The following LHFPL2 variants were observed in gnomAD, a reference collection of about 807,000 sequenced individuals.
LHFPL2 encodes LHFPL tetraspan subfamily member 2 protein.
In LHFPL2, 7 loss-of-function variants were observed where a neutral mutation model predicts 17.5. That is an observed-to-expected ratio of 0.40 (90% CI 0.23 to 0.75). LHFPL2 has a LOEUF of 0.75. Ranked by LOEUF, LHFPL2 falls within the 30% of genes least tolerant of loss-of-function variation. The pLI is 0.37. For missense variants in LHFPL2, 241 were observed against 294.8 expected (o/e 0.82, Z 1.34); for synonymous variants, 134 against 116.2 (o/e 1.15, Z -0.99).
chr5:78,585,899 C>G (rs1162959344), intron 2 of LHFPL2, among the ~76,000 whole-genome samples: 3 of 152,160 alleles, frequency 2.0e-5, no homozygotes, highest in Non-Finnish European at 2.9e-5. Context: ...GGTCCTGCCA[C>G]TAACAAGCAA....
intron 2 of LHFPL2, among the ~76,000 whole-genome samples, chr5:78,587,150 C>A (rs982308121): frequency 6.6e-6 from 1 of 152,142 alleles, no homozygotes; most frequent in Non-Finnish European, 1.5e-5. Flanking sequence ...AGAAACCAAA[C>A]GAGGCAAGTC....
intron 2 of LHFPL2, among the ~76,000 whole-genome samples, chr5:78,594,164 C>CA (rs1290086052): frequency 6.6e-6 from 1 of 152,138 alleles, no homozygotes; most frequent in Non-Finnish European, 1.5e-5. Flanking sequence ...AGCCTTTATG[C>CA]AATCCTGCTT....
At chr5:78,640,094 C>T (rs1745615995) in intron 1 of LHFPL2, among the ~76,000 whole-genome samples, 1 of 152,080 alleles carries the variant, frequency 6.6e-6, no homozygotes, top group South Asian at 2.1e-4. Context: ...GAAAAAGAGT[C>T]CCTCTTAATT....
chr5:78,535,659 G>A (rs1203142678), intron 3 of LHFPL2, among the ~76,000 whole-genome samples: 1 of 152,166 alleles, frequency 6.6e-6, no homozygotes, highest in Non-Finnish European at 1.5e-5. Context: ...CAGTAGGTGG[G>A]TGAGGCTGAG....
intron 3 of LHFPL2, among the ~76,000 whole-genome samples, chr5:78,511,092 A>G (rs750426045): frequency 1.5e-4 from 19 of 124,910 alleles, no homozygotes; most frequent in African/African-American, 8.9e-5. Context: ...TACACTAATT[A>G]AAACTCAGAG....
intron 1 of LHFPL2, chr5:78,641,955 C>CA (rs1745682352): frequency 8.7e-6 from 1 of 115,032 alleles, no homozygotes; most frequent in Non-Finnish European, 1.8e-5. Context: ...GCTCAAGCTG[C>CA]TATAATAAAA....
intron 2 of LHFPL2, among the ~76,000 whole-genome samples, chr5:78,610,175 T>C (rs1321369071): frequency 6.6e-6 from 1 of 152,072 alleles, no homozygotes; most frequent in Non-Finnish European, 1.5e-5. Context: ...TCAGCAATGC[T>C]GACACCCACG....
intron 3 of LHFPL2, among the ~76,000 whole-genome samples, chr5:78,554,742 C>A (rs1413581273): frequency 1.3e-5 from 2 of 152,210 alleles, no homozygotes; most frequent in African/African-American, 4.8e-5. Context: ...AGGAGCCTGA[C>A]AGCCTCAGGA....
chr5:78,581,097 CT>C (rs1347419853), intron 2 of LHFPL2, among the ~76,000 whole-genome samples: 1 of 152,056 alleles, frequency 6.6e-6, no homozygotes, highest in Non-Finnish European at 1.5e-5. Flanking sequence ...GTATTTTATT[CT>C]CTTTGAAGCA....
At chr5:78,568,679 G>C (rs1330778628) in intron 2 of LHFPL2, among the ~76,000 whole-genome samples, 1 of 152,160 alleles carries the variant, frequency 6.6e-6, no homozygotes. Context: ...AGGTGGTCCA[G>C]GTTGCCTCTG....
intron 2 of LHFPL2, among the ~76,000 whole-genome samples, chr5:78,630,595 T>C (rs1417031586): frequency 6.6e-6 from 1 of 151,732 alleles, no homozygotes; most frequent in Non-Finnish European, 1.5e-5. Context: ...TTCATTCAAT[T>C]CTCCTTCAGG....
rs75234593 is a variant in LHFPL2 at position 78,555,347 on chromosome 5, T to C, written c.-186+9466A>G. On this transcript the variant is annotated intron_variant, in intron 3 of 4. Transcript: ENST00000380345. ...TAAAATAGATTCCATTAAAGTAGCA[T>C]ACTCTGCAAAATATCAACTTTCATT... 9.5e-3 allele frequency among the ~76,000 whole-genome samples: 1,453 copies of C among 152,366 alleles called. 28 individuals carry two copies. Among genetic ancestry groups the C allele is most frequent in the African/African-American group, 0.033 (1,360 of 41,582 alleles).
intron 2 of LHFPL2, among the ~76,000 whole-genome samples, chr5:78,608,828 A>G (rs369402393): frequency 6.6e-6 from 1 of 151,748 alleles, no homozygotes; most frequent in Non-Finnish European, 1.5e-5. Context: ...GCTACTCGGG[A>G]GGCTGAAGCA....
chr5:78,504,788 G>C (rs79957782), intron 4 of LHFPL2, among the ~76,000 whole-genome samples: 1,696 of 152,144 alleles, frequency 0.011, 11 homozygotes, highest in Middle Eastern at 0.037. Flanking sequence ...CCATTCCCAC[G>C]ACCACACACC....
At chr5:78,576,284 G>A (rs1757134174) in intron 2 of LHFPL2, among the ~76,000 whole-genome samples, 1 of 146,270 alleles carries the variant, frequency 6.8e-6, no homozygotes, top group African/African-American at 2.6e-5. Context: ...AACAGAGCGA[G>A]ACTCCATCTC....
At chr5:78,618,976 C>T (rs976769084) in intron 2 of LHFPL2, among the ~76,000 whole-genome samples, 1 of 151,974 alleles carries the variant, frequency 6.6e-6, no homozygotes, top group Non-Finnish European at 1.5e-5. Context: ...CCCACTATCA[C>T]CAAAAAAATA....
intron 3 of LHFPL2, among the ~76,000 whole-genome samples, chr5:78,541,180 C>T (rs898087803): frequency 6.6e-6 from 1 of 152,166 alleles, no homozygotes; most frequent in African/African-American, 2.4e-5. Flanking sequence ...CACTTCACCC[C>T]AGACTCTAAA....
intron 4 of LHFPL2, among the ~76,000 whole-genome samples, chr5:78,489,380 AAAT>A (rs35649715): frequency 0.37 from 55,828 of 151,904 alleles, 12,369 homozygotes; most frequent in Non-Finnish European, 0.5. Flanking sequence ...AATCCACTAA[AAAT>A]TTCTCTTCTA....
chr5:78,556,754 A>G (rs1256069794), intron 3 of LHFPL2, among the ~76,000 whole-genome samples: 1 of 152,196 alleles, frequency 6.6e-6, no homozygotes, highest in Non-Finnish European at 1.5e-5. Flanking sequence ...AAAAGTAACA[A>G]AATAAAGTTA....
Sources: allele counts gnomAD v4.1 joint callset (sites outside exome capture counted in the v4.1 genomes callset), GRCh38; gene constraint gnomAD v4.1.1; transcripts MANE v1.5; gene names NCBI Gene and HGNC (gene_info 2026-07-23, HGNC 2026-07-21).